Variants in KMT2E observed in about 807,000 individuals in gnomAD.
KMT2E encodes the protein lysine methyltransferase 2E (inactive).
KMT2E carries 30 observed loss-of-function variants against 184.6 expected under a neutral mutation model. That is an observed-to-expected ratio of 0.16 (90% CI 0.12 to 0.22). KMT2E has a LOEUF of 0.22. KMT2E is among the 10% of genes least tolerant of loss of function. KMT2E has a pLI of 1.00. For missense variants in KMT2E, 2,023 were observed against 2,237.4 expected, an observed-to-expected ratio of 0.90 and a Z score of 1.93; for synonymous variants, 815 against 776.5, an observed-to-expected ratio of 1.05 and a Z score of -0.82.
Position 105,081,686 on chromosome 7 carries a change from A to T in KMT2E, c.1249-2A>T. On this transcript the variant is annotated splice_acceptor_variant, in intron 12 of 26. Coordinates refer to ENST00000311117, the MANE Select transcript of KMT2E (RefSeq NM_182931.3). LOFTEE classifies it high-confidence loss of function. ...GTAATGTACAATTATTTTAACTTTT[A>T]GGTGAGGCATGAAATTCAAGATGGA... is the stretch of plus-strand genomic sequence containing the variant. 7.4e-7 allele frequency: 1 copy of T among 1,357,652 alleles called. No individual in the cohort carries two copies. The highest frequency in any genetic ancestry group is 1.0e-6 in the Non-Finnish European group (1 of 963,440). 84.1% of individuals were successfully genotyped at this position (1,357,652 alleles called of 1,614,324 possible).
intron 1 of KMT2E, among the ~76,000 whole-genome samples, chr7:105,019,125 G>T (rs1432538704): frequency 6.6e-6 from 1 of 151,996 alleles, no homozygotes; most frequent in African/African-American, 2.4e-5. Flanking sequence ...CATGCTAAGT[G>T]CTACATTAAA....
intron 6 of KMT2E, among the ~76,000 whole-genome samples, chr7:105,068,835 A>G (rs1447464822): frequency 2.0e-5 from 3 of 152,128 alleles, no homozygotes; most frequent in Admixed American, 6.5e-5. Flanking sequence ...AAGGCTGGAT[A>G]AATGCTTGTT....
chr7:105,071,608 ATTTTTTT>A (rs869055986), intron 6 of KMT2E, among the ~76,000 whole-genome samples: 37 of 31,876 alleles, frequency 1.2e-3, no homozygotes, highest in African/African-American at 4.3e-3. Context: ...ATATATATAT[ATTTTTTT>A]TTTTTTTTTT....
At chr7:105,076,586 G>A (rs2129568071) in intron 9 of KMT2E, among the ~76,000 whole-genome samples, 1 of 152,288 alleles carries the variant, frequency 6.6e-6, no homozygotes, top group East Asian at 1.9e-4. Flanking sequence ...TTTTTTAGAT[G>A]CTAAAATTGC....
chr7:105,048,109 TC>T (rs1260396973), intron 3 of KMT2E, among the ~76,000 whole-genome samples: 2 of 152,082 alleles, frequency 1.3e-5, no homozygotes, highest in South Asian at 4.1e-4. Context: ...TGATCATGGG[TC>T]ACTGAAGCCT....
At chr7:105,032,268 A>C (rs1562879992) in intron 1 of KMT2E, among the ~76,000 whole-genome samples, 1 of 151,484 alleles carries the variant, frequency 6.6e-6, no homozygotes, top group African/African-American at 2.4e-5. Flanking sequence ...ACATGGTGAA[A>C]TGCTGTCTCT....
Position 105,112,615 on chromosome 7 carries a change from A to C in KMT2E, c.4859A>C (p.Gln1620Pro). 6.2e-7 allele frequency: 1 copy of C among 1,613,640 alleles called. No homozygotes were observed. Among genetic ancestry groups the C allele is most frequent in the South Asian group, 1.1e-5 (1 of 91,066 alleles). Residue 1620 changes from glutamine to proline, a missense_variant, in exon 27 of 27, where the codon CAA becomes CCA. This residue lies in a region of KMT2E where 1,108 missense variants were observed against 1,050.9 expected (regional missense o/e 1.05). Transcript: ENST00000311117. ...TCTCAGAACCCTACCATTCACCATC[A>C]AACTGCTGCTGCCGTAGTCCCCCCT... is the stretch of plus-strand genomic sequence containing the variant. Reference protein sequence around the residue: ...LPSQNPTIHHQTAAAVVPPPP... With the variant: ...LPSQNPTIHHPTAAAVVPPPP...
Position 105,111,859 on chromosome 7 carries a change from C to G in KMT2E, c.4103C>G (p.Ala1368Gly). The change falls in exon 27 of 27, where the codon GCA becomes GGA. Residue 1368 changes from alanine (A) to glycine (G), a missense_variant. Physicochemically the swap from Ala to Gly is moderately conservative, Grantham distance 60. Around this residue, in one of 8 missense-constraint regions of KMT2E, gnomAD observed 1,108 missense variants for 1,050.9 expected, o/e 1.05. Transcript: ENST00000311117. ...CCTGGATCTGTAATTCCTGCTCAAG[C>G]ACACGGGAAAATATTCACAAAACCA... ...GSPGSVIPAQ[A>G]HGKIFTKPDP... 6.2e-7 allele frequency: 1 copy of G among 1,613,682 alleles called. No homozygotes were observed. The highest frequency in any genetic ancestry group is 8.5e-7 in the Non-Finnish European group (1 of 1,179,850).
At chr7:105,029,194 CAG>C (rs765243366) in intron 1 of KMT2E, among the ~76,000 whole-genome samples, 17 of 151,788 alleles carry the variant, frequency 1.1e-4, no homozygotes, top group Non-Finnish European at 2.1e-4. Context: ...ACCTGGGAGG[CAG>C]AGGTTGCAGT....
Position 105,071,602 on chromosome 7 carries a change from ATATATATTTTTT to A in KMT2E, c.498-2015_498-2004del, listed in dbSNP as rs1304614952. ...TGTGTGTATATATATATATATATAT[ATATATATTTTTT>A]TTTTTTTTTTTTTTTTTTTTTTAAG... is the stretch of plus-strand genomic sequence containing the variant. On this transcript the variant is annotated intron_variant, in intron 6 of 26. Transcript: ENST00000311117. Among the ~76,000 whole-genome samples, 115 of 66,552 alleles carry A rather than the reference ATATATATTTTTT, an allele frequency of 1.7e-3. 1 individual carries two copies. In the East Asian group the frequency reaches 0.034, roughly 20 times the overall value. The allele number at this position is 66,552 out of a possible 152,430, so 43.7% of individuals were successfully genotyped here. A position where few individuals can be genotyped will look rare whatever the true frequency, so the allele number is the denominator to read the frequency against.
intron 26 of KMT2E, 143 bp from the exon 27 acceptor site, chr7:105,111,682 G>A (rs1339449629): frequency 7.2e-6 from 7 of 971,644 alleles, no homozygotes; most frequent in South Asian, 1.9e-5. Context: ...AACATCCCAA[G>A]CCTCCATAAT....
At chr7:105,030,985 G>C (rs1194321828) in intron 1 of KMT2E, among the ~76,000 whole-genome samples, 1 of 152,156 alleles carries the variant, frequency 6.6e-6, no homozygotes, top group Non-Finnish European at 1.5e-5. Flanking sequence ...GAAAGAAATG[G>C]ATTCAAAATA....
intron 2 of KMT2E, among the ~76,000 whole-genome samples, chr7:105,040,101 G>A (rs1324301746): frequency 6.6e-6 from 1 of 152,090 alleles, no homozygotes; most frequent in Non-Finnish European, 1.5e-5. Flanking sequence ...TCCTTCAACA[G>A]TATACCTAGA....
chr7:105,062,690 ATTAT>A (rs1400602257), intron 4 of KMT2E, among the ~76,000 whole-genome samples: 2 of 151,890 alleles, frequency 1.3e-5, no homozygotes, highest in Admixed American at 1.3e-4. Flanking sequence ...TCAGACATAT[ATTAT>A]TTAATCATTA....
Position 105,063,384 on chromosome 7 carries a change from C to A in KMT2E, c.220C>A (p.Pro74Thr), listed in dbSNP as rs1342798970. Residue 74 changes from proline (P) to threonine (T), a missense_variant, in exon 5 of 27, where the codon CCT becomes ACT. Transcript: ENST00000311117. ...HNYGARPPPT[P>T]PASPPPSVLI... ...TTATGGTGCTCGTCCTCCTCCGACA[C>A]CTCCGGCTTCCCCTCCTCCATCAGT... The A allele has an allele frequency of 6.2e-7, 1 of 1,612,992 alleles. No individual in the cohort carries two copies. The highest frequency in any genetic ancestry group is 8.5e-7 in the Non-Finnish European group (1 of 1,179,506).
At chr7:105,092,577 A>G (rs1263949107) in intron 15 of KMT2E, among the ~76,000 whole-genome samples, 1 of 152,220 alleles carries the variant, frequency 6.6e-6, no homozygotes, top group Non-Finnish European at 1.5e-5. Flanking sequence ...GTAGTATTAG[A>G]AGAAAAGCAA....
At chr7:105,051,208 G>A (rs1796334120) in intron 3 of KMT2E, among the ~76,000 whole-genome samples, 1 of 140,016 alleles carries the variant, frequency 7.1e-6, no homozygotes, top group South Asian at 2.4e-4. Context: ...TTTTTTAGAT[G>A]GAGTTTCGCT....
At chr7:105,063,789 C>A (rs966864407) in intron 5 of KMT2E, 2 of 539,344 alleles carry the variant, frequency 3.7e-6, no homozygotes, top group Non-Finnish European at 6.5e-6. Context: ...AATAGACAGT[C>A]AGTTCTGAAC....
At chr7:105,064,164 G>GTTTTTTTTTT (rs66946883) in intron 5 of KMT2E, 48 of 76,150 alleles carry the variant, frequency 6.3e-4, no homozygotes, top group East Asian at 1.5e-3. Flanking sequence ...TTTTTTCTTG[G>GTTTTTTTTTT]TTTTTTTTTT....
Sources: gnomAD v4.1 joint callset for allele counts (sites outside exome capture counted in the v4.1 genomes callset) on GRCh38, gnomAD v4.1.1 for gene constraint, gnomAD v4.1.1 regional missense constraint, MANE v1.5 for transcripts, NCBI Gene and HGNC (gene_info 2026-07-23, HGNC 2026-07-21) for gene names.